Variants in AP3M1 observed in about 807,000 individuals in gnomAD.
AP3M1 encodes the protein adaptor related protein complex 3 subunit mu 1.
AP3M1 carries 29 observed loss-of-function variants against 42.6 expected under a neutral mutation model. The observed-to-expected ratio is 0.68, with a 90% CI of 0.51 to 0.93. AP3M1 has a LOEUF of 0.93. Among genes scored for constraint, AP3M1 ranks in the 40% least tolerant of loss-of-function variants. The pLI is 0.00. For missense variants in AP3M1, 416 were observed against 510.2 expected, an observed-to-expected ratio of 0.82 and a Z score of 1.78; for synonymous variants, 178 against 175.3, an observed-to-expected ratio of 1.02 and a Z score of -0.12.
At chr10:74,142,491 T>C (rs544544763) in intron 1 of AP3M1, among the ~76,000 whole-genome samples, 1 of 152,364 alleles carries the variant, frequency 6.6e-6, no homozygotes, top group South Asian at 2.1e-4. Context: ...TTATCAATAA[T>C]ACTAGTTACT....
chr10:74,140,828 G>T (rs1391201899), intron 1 of AP3M1, among the ~76,000 whole-genome samples: 1 of 152,080 alleles, frequency 6.6e-6, no homozygotes, highest in Non-Finnish European at 1.5e-5. Flanking sequence ...GGAACAACTG[G>T]ATTTCCACAT....
intron 1 of AP3M1, 64 bp downstream of exon 1, chr10:74,150,691 T>C (rs940604227): frequency 4.5e-5 from 7 of 154,014 alleles, no homozygotes; most frequent in Admixed American, 1.3e-4. Context: ...GCCCCAGCTA[T>C]TCAGCCTACT....
At chr10:74,132,462 A>C (rs947536852) in intron 4 of AP3M1, among the ~76,000 whole-genome samples, 1 of 152,018 alleles carries the variant, frequency 6.6e-6, no homozygotes, top group African/African-American at 2.4e-5. Flanking sequence ...AGGCTGAGGT[A>C]GGTAAACTGA....
At chr10:74,139,812 C>T (rs1841081190) in intron 1 of AP3M1, among the ~76,000 whole-genome samples, 1 of 149,200 alleles carries the variant, frequency 6.7e-6, no homozygotes, top group Admixed American at 6.8e-5. Flanking sequence ...GAGGCTGAGG[C>T]AGAAGAATCG....
chr10:74,126,369 CAG>C lies in AP3M1; in HGVS notation c.804-16_804-15del, dbSNP rs543294323. 2.8e-4 allele frequency: 442 copies of C among 1,607,048 alleles called. 2 individuals are homozygous for C. In the African/African-American group the frequency reaches 5.3e-3, roughly 19 times the overall value. On this transcript the variant is annotated splice_polypyrimidine_tract_variant and intron_variant, in intron 6 of 8. Coordinates refer to ENST00000355264, the MANE Select transcript of AP3M1 (RefSeq NM_012095.6). ...ATTGCCACTAGACTAAAAAGAGAAA[CAG>C]AGAAAGATACAAAAGCACAAACACA...
intron 6 of AP3M1, among the ~76,000 whole-genome samples, chr10:74,128,034 A>G (rs1840668015): frequency 7.5e-6 from 1 of 133,820 alleles, no homozygotes; most frequent in Non-Finnish European, 1.6e-5. Context: ...CTGGAGGTGG[A>G]GGTTGCAGTA....
intron 7 of AP3M1, 51 bp from the exon 8 acceptor site, chr10:74,124,575 A>G: frequency 6.8e-7 from 1 of 1,462,876 alleles, no homozygotes; most frequent in Non-Finnish European, 9.2e-7. Flanking sequence ...TTAAAGACAA[A>G]CCCTCAAAAA....
Position 74,144,884 on chromosome 10 carries a change from G to A in AP3M1, c.-4+5871C>T, listed in dbSNP as rs375718747. 6.3e-4 allele frequency among the ~76,000 whole-genome samples: 95 copies of A among 151,924 alleles called. 2 individuals are homozygous for A. In the East Asian group the frequency reaches 0.015, roughly 24 times the overall value. On this transcript the variant is annotated intron_variant, in intron 1 of 8. Transcript: ENST00000355264. Reference sequence around the variant, plus strand: ...TCACCATGTTGGCCAGGCTGGTCTCGAACTCCTGACCTCGTGATCCGCCCG... The same window carrying A: ...TCACCATGTTGGCCAGGCTGGTCTCAAACTCCTGACCTCGTGATCCGCCCG...
At chr10:74,124,721 C>T (rs931701234) in intron 7 of AP3M1, among the ~76,000 whole-genome samples, 197 bp from the exon 8 acceptor site, 2 of 152,142 alleles carry the variant, frequency 1.3e-5, no homozygotes, top group African/African-American at 4.8e-5. Context: ...AGAGAATCTA[C>T]ATTTGTTGAG....
In AP3M1 at chr10:74,138,183, A is replaced by G. The variant is rs1841005454; in HGVS notation, c.197T>C (p.Phe66Ser). ...CACTTCGGTCTGTATGACAGATACA[A>G]AGAAGAGCTTATCCCGGTAGATACT... ...LISIYRDKLF[F>S]VSVIQTEVPP... The change falls in exon 2 of 9, where the codon TTT becomes TCT. Residue 66 changes from phenylalanine (F) to serine (S), a missense_variant. Transcript: ENST00000355264. 1 of 1,614,184 alleles carries G rather than the reference A, an allele frequency of 6.2e-7. No homozygotes were observed. Among genetic ancestry groups the G allele is most frequent in the Non-Finnish European group, 8.5e-7 (1 of 1,180,028 alleles).
chr10:74,146,167 G>C (rs938521612), intron 1 of AP3M1, among the ~76,000 whole-genome samples: 1 of 152,128 alleles, frequency 6.6e-6, no homozygotes, highest in Admixed American at 6.6e-5. Flanking sequence ...AGGTGAGAGA[G>C]AACACAAGAC....
At chr10:74,132,430 C>T (rs576448074) in intron 4 of AP3M1, among the ~76,000 whole-genome samples, 62 of 151,942 alleles carry the variant, frequency 4.1e-4, no homozygotes, top group African/African-American at 1.4e-3. Flanking sequence ...GTGGCTGATG[C>T]CTGTAATCCC....
chr10:74,139,741 C>T (rs2131988740), intron 1 of AP3M1, among the ~76,000 whole-genome samples: 1 of 151,716 alleles, frequency 6.6e-6, no homozygotes, highest in East Asian at 1.9e-4. Flanking sequence ...GACGGTGAAA[C>T]CCCGTCCCTA....
In AP3M1 at chr10:74,138,131, T is replaced by C; in HGVS notation, c.249A>G (p.Leu83=). 6.2e-7 allele frequency: 1 copy of C among 1,613,998 alleles called. No homozygotes were observed. The highest frequency in any genetic ancestry group is 1.7e-5 in the Admixed American group (1 of 59,990). The change falls in exon 2 of 9, where the codon CTA becomes CTG. Residue 83 remains leucine (L), a synonymous_variant. Transcript: ENST00000355264. ...CCTGAAAAGTGTCAGCAACTCGATG[T>C]AGGAACTCAATTACAAAGAGAGGTG... is the stretch of plus-strand genomic sequence containing the variant. The part of the protein sequence containing the change: ...EVPPLFVIEF[L]HRVADTFQDY...
At chr10:74,125,993 A>G (rs2131959746) in intron 7 of AP3M1, among the ~76,000 whole-genome samples, 155 bp downstream of exon 7, 1 of 152,234 alleles carries the variant, frequency 6.6e-6, no homozygotes, top group East Asian at 1.9e-4. Flanking sequence ...TTCCTTCTGC[A>G]GCCAGTGGCA....
intron 3 of AP3M1, among the ~76,000 whole-genome samples, chr10:74,135,747 AT>A (rs1313678868): frequency 2.0e-5 from 3 of 152,090 alleles, no homozygotes; most frequent in Admixed American, 1.3e-4. Flanking sequence ...TATTTACTTA[AT>A]TTTTTTTCCA....
At chr10:74,125,591 T>C (rs559740654) in intron 7 of AP3M1, among the ~76,000 whole-genome samples, 103 of 152,360 alleles carry the variant, frequency 6.8e-4, no homozygotes, top group African/African-American at 2.4e-3. Flanking sequence ...GACTCTGCTA[T>C]TGAAAACAAT....
chr10:74,132,456 T>C (rs1591747584), intron 4 of AP3M1, among the ~76,000 whole-genome samples: 1 of 151,802 alleles, frequency 6.6e-6, no homozygotes, highest in African/African-American at 2.4e-5. Context: ...TTTGGGAGGC[T>C]GAGGTAGGTA....
intron 1 of AP3M1, among the ~76,000 whole-genome samples, chr10:74,149,292 TTTTTTTTTTTTTTTC>T (rs1227219775): frequency 3.8e-5 from 4 of 104,968 alleles, no homozygotes; most frequent in African/African-American, 1.9e-4. Context: ...TTTTTTTTTT[TTTTTTTTTTTTTTTC>T]GAGGCAGAGT....
Sources: allele counts gnomAD v4.1 joint callset (sites outside exome capture counted in the v4.1 genomes callset), GRCh38; gene constraint gnomAD v4.1.1; transcripts MANE v1.5; gene names NCBI Gene and HGNC (gene_info 2026-07-23, HGNC 2026-07-21).